The following ERGIC1 variants were observed in gnomAD, a reference collection of about 807,000 sequenced individuals.
The protein encoded by ERGIC1 is endoplasmic reticulum-golgi intermediate compartment 1, also known as endoplasmic reticulum-Golgi intermediate compartment protein 1.
Under a neutral mutation model 38.3 loss-of-function variants are expected in ERGIC1, and 19 were observed. The ratio of observed to expected loss-of-function variants is 0.50; its 90% CI spans 0.35 to 0.73. The LOEUF is 0.73. ERGIC1 is among the 30% of genes least tolerant of loss of function. The probability of loss-of-function intolerance (pLI) is 0.01; values close to 1 mark genes in which losing one functional copy is unlikely to be tolerated. For missense variants in ERGIC1, 294 were observed against 389.2 expected (o/e 0.76, Z 2.06); for synonymous variants, 124 against 157.6 (o/e 0.79, Z 1.60).
chr5:172,873,125 A>G (rs1762059177), intron 1 of ERGIC1, among the ~76,000 whole-genome samples: 1 of 152,234 alleles, frequency 6.6e-6, no homozygotes, highest in Non-Finnish European at 1.5e-5. Context: ...CTGTATTTTT[A>G]TCCGATGATG....
At chr5:172,867,291 G>A in intron 1 of ERGIC1, 1 of 419,260 alleles carries the variant, frequency 2.4e-6, no homozygotes, top group Non-Finnish European at 4.9e-6. Context: ...CGGGGGTGGT[G>A]GACCTCCCAG....
intron 2 of ERGIC1, among the ~76,000 whole-genome samples, chr5:172,892,899 C>G (rs1762603774): frequency 6.6e-6 from 1 of 152,168 alleles, no homozygotes; most frequent in South Asian, 2.1e-4. Context: ...GACCTTTGGA[C>G]CACTTGAGTC....
In ERGIC1 at chr5:172,914,140, C is replaced by T. The variant is rs1289430230; in HGVS notation, c.251-574C>T. 2.0e-5 allele frequency among the ~76,000 whole-genome samples: 3 copies of T among 147,390 alleles called. No individual in the cohort carries two copies. The Admixed American group carries it at 2.1e-4, about 10-fold the overall frequency. ...ATCCCAGCTACTTGGGAGGCTGAGG[C>T]AGGAGAATTGCTTGAATGCAGGAGG... On this transcript the variant is annotated intron_variant, in intron 4 of 9. Coordinates refer to ENST00000393784, the MANE Select transcript of ERGIC1 (RefSeq NM_001031711.3).
chr5:172,842,896 C>T (rs1275586993), intron 1 of ERGIC1, among the ~76,000 whole-genome samples: 1 of 152,194 alleles, frequency 6.6e-6, no homozygotes, highest in Non-Finnish European at 1.5e-5. Context: ...GTAATCCCAG[C>T]ACTTTGGGAG....
chr5:172,902,814 G>T (rs769802394), intron 3 of ERGIC1, among the ~76,000 whole-genome samples: 1 of 151,260 alleles, frequency 6.6e-6, no homozygotes, highest in African/African-American at 2.4e-5. Flanking sequence ...GTTTCCATTC[G>T]ATCAAATTTT....
chr5:172,923,592 A>G (rs533352886), intron 5 of ERGIC1, among the ~76,000 whole-genome samples: 5 of 152,250 alleles, frequency 3.3e-5, no homozygotes, highest in Admixed American at 1.3e-4. Context: ...TTGGGTAGGA[A>G]ATGATAGGGG....
At chr5:172,938,035 C>T (rs1198579427) in intron 9 of ERGIC1, 1 of 152,262 alleles carries the variant, frequency 6.6e-6, no homozygotes, top group African/African-American at 2.4e-5. Context: ...CCTGCTACTA[C>T]AAAGATTGGG....
At chr5:172,945,820 G>T (rs1764109862) in intron 9 of ERGIC1, among the ~76,000 whole-genome samples, 1 of 152,142 alleles carries the variant, frequency 6.6e-6, no homozygotes, top group African/African-American at 2.4e-5. Context: ...GAGTAGCTGG[G>T]ATTACAGGCA....
intron 9 of ERGIC1, among the ~76,000 whole-genome samples, chr5:172,948,376 C>T (rs1764167331): frequency 6.6e-6 from 1 of 152,252 alleles, no homozygotes; most frequent in African/African-American, 2.4e-5. Flanking sequence ...CCACTGGGCA[C>T]CAGTTCATCT....
At chr5:172,861,519 C>T (rs898342471) in intron 1 of ERGIC1, among the ~76,000 whole-genome samples, 1 of 152,206 alleles carries the variant, frequency 6.6e-6, no homozygotes, top group Non-Finnish European at 1.5e-5. Context: ...ATGCTGACTA[C>T]TCGTTGGCTG....
At chr5:172,915,341 C>T in intron 5 of ERGIC1, 1 of 474,588 alleles carries the variant, frequency 2.1e-6, no homozygotes, top group Non-Finnish European at 4.0e-6. Flanking sequence ...GGGCAGCGTT[C>T]CTGGGCTGGT....
At chr5:172,897,843 C>T (rs2113315335) in intron 3 of ERGIC1, 1 of 414,200 alleles carries the variant, frequency 2.4e-6, no homozygotes, top group East Asian at 3.6e-5. Flanking sequence ...CAGGCCCACA[C>T]TTGGTGAGGA....
rs1411621660 is a variant in ERGIC1, at chr5:172,834,466, C to A, written c.20+33C>A. 2 of 1,304,856 alleles carry A rather than the reference C, an allele frequency of 1.5e-6. No homozygotes were observed. Among genetic ancestry groups the A allele is most frequent in the Non-Finnish European group, 2.0e-6 (2 of 1,023,914 alleles). The allele number at this position is 1,304,856 out of a possible 1,614,324, so 80.8% of individuals were successfully genotyped here. On this transcript the variant is annotated intron_variant, in intron 1 of 9. Transcript: ENST00000393784. This position sits in a 1 kb window ranked among gnomAD's most constrained non-coding sequence, Gnocchi z 4.1. The stretch of plus-strand genomic sequence containing the variant: ...TGGCGACCCCGGCCAGTCGGGAGTT[C>A]CCTCAGCGGGCAGAGGGAGCGCCCC...
At chr5:172,879,033 G>A (rs927438456) in intron 1 of ERGIC1, among the ~76,000 whole-genome samples, 4 of 152,094 alleles carry the variant, frequency 2.6e-5, no homozygotes, top group Non-Finnish European at 4.4e-5. Flanking sequence ...GACTTGCTCC[G>A]AAATGGCATC....
chr5:172,873,968 TC>T (rs1026748953), intron 1 of ERGIC1, among the ~76,000 whole-genome samples: 2 of 152,230 alleles, frequency 1.3e-5, no homozygotes, highest in African/African-American at 4.8e-5. Context: ...CCTTAGGAAT[TC>T]TAGCACGCAT....
At position 172,874,500 on chromosome 5, in the gene ERGIC1, C is replaced by T. The variant is rs535182340; in HGVS notation, c.21-14199C>T. Among the ~76,000 whole-genome samples the T allele has an allele frequency of 6.6e-5, 10 of 152,246 alleles. No individual in the cohort carries two copies. In the South Asian group the frequency reaches 1.0e-3, roughly 16 times the overall value. ...TGCTTCTCCTGAACCTACTCTATGC[C>T]GGACACTTTTCTAGGCCCTGGTGAT... On this transcript the variant is annotated intron_variant, in intron 1 of 9. Transcript: ENST00000393784.
At chr5:172,883,866 C>G (rs182098997) in intron 1 of ERGIC1, among the ~76,000 whole-genome samples, 143 of 152,206 alleles carry the variant, frequency 9.4e-4, no homozygotes, top group Middle Eastern at 3.4e-3. Context: ...CCCTGTAGTC[C>G]CAGCTACTCG....
At position 172,882,882 on chromosome 5, in the gene ERGIC1, A is replaced by G. The variant is rs556098619; in HGVS notation, c.21-5817A>G. Among the ~76,000 whole-genome samples, 9 of 152,224 alleles carry G rather than the reference A, an allele frequency of 5.9e-5. No homozygotes were observed. The South Asian group carries it at 1.0e-3, about 18-fold the overall frequency. ...ACCTCAAATTCAGGTGCCTACAAGG[A>G]CCAGCCATATGTGAAGACAACAGGC... On this transcript the variant is annotated intron_variant, in intron 1 of 9. Transcript: ENST00000393784.
chr5:172,834,473 C>A lies in ERGIC1; in HGVS notation c.20+40C>A. The A allele has an allele frequency of 1.5e-6, 2 of 1,299,266 alleles. No homozygotes were observed. The highest frequency in any genetic ancestry group is 2.2e-5 in the South Asian group (1 of 44,502). The allele number at this position is 1,299,266 out of a possible 1,614,324, so 80.5% of individuals were successfully genotyped here. On this transcript the variant is annotated intron_variant, in intron 1 of 9. Transcript: ENST00000393784. The surrounding 1 kb of genome is among the most constrained non-coding windows in gnomAD (Gnocchi z 4.1). ...CCCGGCCAGTCGGGAGTTCCCTCAG[C>A]GGGCAGAGGGAGCGCCCCGGCACGC...
Sources: gnomAD v4.1 joint callset for allele counts (sites outside exome capture counted in the v4.1 genomes callset) on GRCh38, gnomAD v4.1.1 for gene constraint, Gnocchi (gnomAD v3.1) non-coding constraint, MANE v1.5 for transcripts, NCBI Gene and HGNC (gene_info 2026-07-23, HGNC 2026-07-21) for gene names.